The following GPATCH2L variants were observed in gnomAD, a reference collection of about 807,000 sequenced individuals.
The protein encoded by GPATCH2L is G-patch domain containing 2 like.
A neutral mutation model predicts 57.4 loss-of-function variants in GPATCH2L; 31 were observed. The observed-to-expected ratio is 0.54, with a 90% CI of 0.41 to 0.73. The LOEUF (loss-of-function observed/expected upper bound fraction) is 0.73. Ranked by LOEUF, GPATCH2L falls within the 30% of genes least tolerant of loss-of-function variation. GPATCH2L has a pLI of 0.00. For missense variants in GPATCH2L, 481 were observed against 599.9 expected (o/e 0.80, Z 2.07); for synonymous variants, 199 against 210.7 (o/e 0.94, Z 0.48).
chr14:76,164,880 T>C (rs1024661293), intron 2 of GPATCH2L, among the ~76,000 whole-genome samples: 7 of 152,232 alleles, frequency 4.6e-5, no homozygotes, highest in African/African-American at 1.7e-4. Flanking sequence ...GTAGATGCCA[T>C]GTCCAATCAT....
Position 76,207,031 on chromosome 14 carries a change from AAG to A in GPATCH2L, c.*5181_*5182del, listed in dbSNP as rs1168030355. 9 of 152,340 alleles carry A rather than the reference AAG, an allele frequency of 5.9e-5. No homozygotes were observed. The highest frequency in any genetic ancestry group is 2.2e-4 in the African/African-American group (9 of 41,570). The allele number at this position is 152,340 out of a possible 1,614,324, so 9.4% of individuals were successfully genotyped here. ...GGAAATAACCTTTTGAAAATGGATAAAGCCTGGGTGTGGTGACTCACGCCCAT... is the reference window on the plus strand; with the variant it reads ...GGAAATAACCTTTTGAAAATGGATAACCTGGGTGTGGTGACTCACGCCCAT... On this transcript the variant is annotated 3_prime_UTR_variant, in exon 10 of 10. Coordinates refer to ENST00000261530, the MANE Select transcript of GPATCH2L (RefSeq NM_017926.4).
At chr14:76,219,508 A>G (rs185096827) in intron 1 of GPATCH2L, among the ~76,000 whole-genome samples, 11 of 152,330 alleles carry the variant, frequency 7.2e-5, no homozygotes, top group African/African-American at 2.6e-4. Context: ...ACAAAGGTTC[A>G]TTACATTTTT....
chr14:76,185,714 G>C (rs968754838), intron 8 of GPATCH2L, among the ~76,000 whole-genome samples: 1 of 152,048 alleles, frequency 6.6e-6, no homozygotes, highest in Non-Finnish European at 1.5e-5. Flanking sequence ...TTTTCATATA[G>C]GTCAGCTTCC....
Position 76,172,677 on chromosome 14 carries a change from C to T in GPATCH2L, c.904+658C>T, listed in dbSNP as rs148465580. Among the ~76,000 whole-genome samples the T allele has an allele frequency of 5.4e-3, 821 of 152,252 alleles. 9 individuals are homozygous for T. The highest frequency in any genetic ancestry group is 5.7e-3 in the Non-Finnish European group (386 of 68,024). On this transcript the variant is annotated intron_variant, in intron 4 of 9. Transcript: ENST00000261530. The stretch of plus-strand genomic sequence containing the variant: ...TACGATATGTGACATTGGACAAAAC[C>T]ATTTCTTTTAGCACTATAAATTTAT...
At chr14:76,159,928 C>G (rs982136958) in intron 2 of GPATCH2L, among the ~76,000 whole-genome samples, 1 of 152,010 alleles carries the variant, frequency 6.6e-6, no homozygotes, top group Non-Finnish European at 1.5e-5. Flanking sequence ...GTTAGGAGAT[C>G]GAGACCATCC....
chr14:76,227,960 A>G (rs1243771242), intron 1 of GPATCH2L, among the ~76,000 whole-genome samples: 4 of 152,176 alleles, frequency 2.6e-5, no homozygotes, highest in Non-Finnish European at 5.9e-5. Context: ...AGCAGGGAAA[A>G]CCATCTACTC....
intron 2 of GPATCH2L, chr14:76,230,249 G>A (rs1266073018): frequency 6.6e-6 from 1 of 152,238 alleles, no homozygotes; most frequent in Non-Finnish European, 1.5e-5. Context: ...AAAGACAGAA[G>A]TGATGTCAAT....
Position 76,166,707 on chromosome 14 carries a change from C to T in GPATCH2L, c.707C>T (p.Thr236Ile). ...VCSSSDTGLFTNDEGRQGDDE... is the reference protein window; with the variant it reads ...VCSSSDTGLFINDEGRQGDDE... ...AGCAGCAGTGACACTGGGCTCTTTA[C>T]CAATGATGAAGGGCGACAAGGTAAT... The change falls in exon 3 of 10, where the codon ACC (threonine) becomes ATC (isoleucine). Residue 236 changes from threonine (T) to isoleucine (I), a missense_variant. By Grantham distance (89) the Thr-to-Ile change is moderately conservative. Transcript: ENST00000261530. 1 of 1,609,524 alleles carries T rather than the reference C, an allele frequency of 6.2e-7. No individual in the cohort carries two copies. The highest frequency in any genetic ancestry group is 1.1e-5 in the South Asian group (1 of 90,990).
rs180974146 is a variant in GPATCH2L at position 76,160,129 on chromosome 14, G to A, written c.662+5104G>A. On this transcript the variant is annotated intron_variant, in intron 2 of 9. Coordinates refer to ENST00000261530, the MANE Select transcript of GPATCH2L (RefSeq NM_017926.4). Reference sequence around the variant, plus strand: ...AGTGCACTCGAGCCTGGGCGACAGAGCGAGACTCTGTCTCAAAAAAAAAGA... The same window carrying A: ...AGTGCACTCGAGCCTGGGCGACAGAACGAGACTCTGTCTCAAAAAAAAAGA... Among the ~76,000 whole-genome samples, 1,302 of 152,244 alleles carry A rather than the reference G, an allele frequency of 8.6e-3. 11 individuals carry two copies. The highest frequency in any genetic ancestry group is 0.014 in the South Asian group (69 of 4,826).
intron 8 of GPATCH2L, 30 bp from the exon 9 acceptor site, chr14:76,195,848 A>G: frequency 1.3e-6 from 2 of 1,534,506 alleles, no homozygotes; most frequent in Non-Finnish European, 1.8e-6. Context: ...TAAAAAGTTC[A>G]AACCATTTTT....
chr14:76,201,163 C>T (rs1043982017), intron 9 of GPATCH2L, among the ~76,000 whole-genome samples: 1 of 152,172 alleles, frequency 6.6e-6, no homozygotes, highest in Non-Finnish European at 1.5e-5. Context: ...TTATTGGTAA[C>T]ACTGCCCTAT....
At chr14:76,175,732 G>A (rs1349592762) in intron 5 of GPATCH2L, 4 of 152,172 alleles carry the variant, frequency 2.6e-5, no homozygotes, top group African/African-American at 9.7e-5. Context: ...AGCCAGTTCT[G>A]CTGAAATGTG....
intron 2 of GPATCH2L, among the ~76,000 whole-genome samples, chr14:76,164,033 T>G (rs1219589817): frequency 6.6e-6 from 1 of 152,136 alleles, no homozygotes; most frequent in Non-Finnish European, 1.5e-5. Flanking sequence ...GTTCTACCAG[T>G]TTGTCTGAAG....
At chr14:76,160,148 A>G (rs1269618507) in intron 2 of GPATCH2L, among the ~76,000 whole-genome samples, 1 of 152,164 alleles carries the variant, frequency 6.6e-6, no homozygotes, top group Non-Finnish European at 1.5e-5. Context: ...TGTCTCAAAA[A>G]AAAAGAAAAA....
chr14:76,189,886 G>T (rs1266413532), intron 8 of GPATCH2L, among the ~76,000 whole-genome samples: 1 of 151,976 alleles, frequency 6.6e-6, no homozygotes, highest in African/African-American at 2.4e-5. Context: ...TCTATACCCA[G>T]TTTTTTGAGG....
chr14:76,232,505 A>C (rs1219515239), intron 2 of GPATCH2L, among the ~76,000 whole-genome samples: 2 of 152,134 alleles, frequency 1.3e-5, no homozygotes, highest in Non-Finnish European at 2.9e-5. Context: ...GGTTAGCGGG[A>C]GCACAATGCA....
intron 2 of GPATCH2L, among the ~76,000 whole-genome samples, chr14:76,162,405 A>G (rs2038632718): frequency 6.6e-6 from 1 of 152,206 alleles, no homozygotes; most frequent in South Asian, 2.1e-4. Flanking sequence ...GATGAAAGCC[A>G]CAGTCTCGTA....
rs2040376840 is a variant in GPATCH2L, at chr14:76,206,444, A to G, written c.*4593A>G. 6.6e-6 allele frequency: 1 copy of G among 152,196 alleles called. No individual in the cohort carries two copies. Among genetic ancestry groups the G allele is most frequent in the African/African-American group, 2.4e-5 (1 of 41,442 alleles). 9.4% of individuals were successfully genotyped at this position (152,196 alleles called of 1,614,324 possible). On this transcript the variant is annotated 3_prime_UTR_variant, in exon 10 of 10. Transcript: ENST00000261530. ...CAAAACAAACTATGGCCAAAAGAAG[A>G]AATTTTTCTGTCACTGCGAGTAGAC...
Position 76,154,829 on chromosome 14 carries a change from A to G in GPATCH2L, c.466A>G (p.Arg156Gly), listed in dbSNP as rs2038225419. The change falls in exon 2 of 10, where the codon AGA (arginine) becomes GGA (glycine). Residue 156 changes from arginine (R) to glycine (G), a missense_variant. Arg to Gly is a moderately radical substitution (Grantham distance 125). This residue lies in a region of GPATCH2L where 208 missense variants were observed against 272.4 expected (regional missense o/e 0.76). Transcript: ENST00000261530. The surrounding 1 kb of genome is among the most constrained non-coding windows in gnomAD (Gnocchi z 4.4). The stretch of plus-strand genomic sequence containing the variant: ...GAAGGTGTCAGATTGGAGCTATGAG[A>G]GAGGCTGCAGGTTCAAGTCTGCTAA... ...KLKVSDWSYE[R>G]GCRFKSAKKQ... 9 of 1,614,220 alleles carry G rather than the reference A, an allele frequency of 5.6e-6. No individual in the cohort carries two copies. Among genetic ancestry groups the G allele is most frequent in the Non-Finnish European group, 7.6e-6 (9 of 1,180,024 alleles).
Sources: gnomAD v4.1 joint callset for allele counts (sites outside exome capture counted in the v4.1 genomes callset) on GRCh38, gnomAD v4.1.1 for gene constraint, gnomAD v4.1.1 regional missense constraint, Gnocchi (gnomAD v3.1) non-coding constraint, MANE v1.5 for transcripts, NCBI Gene and HGNC (gene_info 2026-07-23, HGNC 2026-07-21) for gene names.